Variants in XPNPEP3 observed in about 807,000 individuals in gnomAD.
XPNPEP3 encodes xaa-Pro aminopeptidase 3.
Under a neutral mutation model 60.0 loss-of-function variants are expected in XPNPEP3, and 41 were observed. The ratio of observed to expected loss-of-function variants is 0.68; its 90% CI spans 0.53 to 0.89. XPNPEP3 has a LOEUF of 0.89. Ranked by LOEUF, XPNPEP3 falls within the 40% of genes least tolerant of loss-of-function variation. The pLI is 0.00. For missense variants in XPNPEP3, 598 were observed against 638.9 expected, an observed-to-expected ratio of 0.94 and a Z score of 0.69; for synonymous variants, 212 against 223.2, an observed-to-expected ratio of 0.95 and a Z score of 0.45.
chr22:40,868,044 CTG>C lies in XPNPEP3; in HGVS notation c.65-952_65-951del, dbSNP rs375366275. Among the ~76,000 whole-genome samples the C allele has an allele frequency of 1.3e-4, 20 of 152,142 alleles. No homozygotes were observed. The East Asian group carries it at 2.5e-3, about 19-fold the overall frequency. On this transcript the variant is annotated intron_variant, in intron 1 of 9. Coordinates refer to ENST00000357137, the MANE Select transcript of XPNPEP3 (RefSeq NM_022098.4). ...TCTATTTTGTCTCACCTCCACTAGA[CTG>C]TGCATTCTTTAAAGACCACAGCATA...
chr22:40,861,585 A>C lies in XPNPEP3; in HGVS notation c.64+4340A>C, dbSNP rs1298969883. 12 of 1,613,230 alleles carry C rather than the reference A, an allele frequency of 7.4e-6. No homozygotes were observed. The highest frequency in any genetic ancestry group is 1.6e-4 in the Middle Eastern group (1 of 6,076). On this transcript the variant is annotated intron_variant, in intron 1 of 9. Coordinates refer to ENST00000357137, the MANE Select transcript of XPNPEP3 (RefSeq NM_022098.4). ...TGGATATTCACTGGCAGTGGAGAAA[A>C]AGTATCCTGCATCTCTGTTTCTGTT...
At chr22:40,886,861 GT>G (rs2058071468) in intron 4 of XPNPEP3, among the ~76,000 whole-genome samples, 1 of 149,756 alleles carries the variant, frequency 6.7e-6, no homozygotes, top group Non-Finnish European at 1.5e-5. Context: ...AAAAGAAAAA[GT>G]TTTTTCCAGA....
At chr22:40,890,569 A>T (rs1016751039) in intron 4 of XPNPEP3, among the ~76,000 whole-genome samples, 5 of 151,962 alleles carry the variant, frequency 3.3e-5, no homozygotes, top group Non-Finnish European at 5.9e-5. Flanking sequence ...TAAAAAATAA[A>T]ATTAACAAAT....
chr22:40,864,483 T>C (rs2145770575), intron 1 of XPNPEP3, among the ~76,000 whole-genome samples: 1 of 152,302 alleles, frequency 6.6e-6, no homozygotes, highest in Non-Finnish European at 1.5e-5. Flanking sequence ...TTCGCTCTTA[T>C]TGCCCAGGCT....
At position 40,857,239 on chromosome 22, in the gene XPNPEP3, C is replaced by T; in HGVS notation, c.58C>T (p.Leu20Phe). 4.3e-6 allele frequency: 7 copies of T among 1,614,204 alleles called. No individual in the cohort carries two copies. Among genetic ancestry groups the T allele is most frequent in the Non-Finnish European group, 5.9e-6 (7 of 1,180,028 alleles). The change falls in exon 1 of 10, where the codon CTC becomes TTC. Residue 20 changes from leucine to phenylalanine, a missense_variant. Coordinates refer to ENST00000357137, the MANE Select transcript of XPNPEP3 (RefSeq NM_022098.4). ...TCCCGCTGTAGCAAACGTCCGCGGC[C>T]TCTCAGGTTAGACTCTTCTCCCACG... ...LVPAVANVRG[L>F]SGCMLCSQRR...
intron 1 of XPNPEP3, among the ~76,000 whole-genome samples, chr22:40,863,405 A>G (rs1043205611): frequency 2.0e-5 from 3 of 152,140 alleles, no homozygotes; most frequent in Admixed American, 1.3e-4. Flanking sequence ...TTCCTCCTCT[A>G]TGTTGTGTTT....
intron 1 of XPNPEP3, among the ~76,000 whole-genome samples, chr22:40,868,428 C>T (rs999227827): frequency 1.4e-4 from 20 of 144,666 alleles, no homozygotes; most frequent in Middle Eastern, 3.3e-3. Flanking sequence ...TATATGTGTG[C>T]GTGTGTGTGT....
intron 2 of XPNPEP3, among the ~76,000 whole-genome samples, chr22:40,876,081 T>C (rs889162617): frequency 5.9e-5 from 9 of 152,122 alleles, no homozygotes; most frequent in African/African-American, 2.2e-4. Context: ...GTAGTCCTCA[T>C]TGACACTGAG....
At chr22:40,924,577 G>T (rs1162518482) in intron 9 of XPNPEP3, 95 bp downstream of exon 9, 13 of 1,532,736 alleles carry the variant, frequency 8.5e-6, no homozygotes, top group Admixed American at 1.9e-5. Flanking sequence ...AGGCTGGAGT[G>T]AAGTGGTGTG....
At chr22:40,919,259 G>A (rs2058207530) in intron 7 of XPNPEP3, among the ~76,000 whole-genome samples, 1 of 152,106 alleles carries the variant, frequency 6.6e-6, no homozygotes, top group Non-Finnish European at 1.5e-5. Context: ...AAGAATAGAA[G>A]TACATTGTAA....
chr22:40,906,610 C>T (rs917395045), intron 4 of XPNPEP3, among the ~76,000 whole-genome samples: 115 of 152,206 alleles, frequency 7.6e-4, no homozygotes, highest in African/African-American at 2.5e-3. Context: ...AGCTCTCCCA[C>T]GAGGAATTAT....
At chr22:40,923,168 G>A (rs989861314) in intron 8 of XPNPEP3, among the ~76,000 whole-genome samples, 4 of 150,646 alleles carry the variant, frequency 2.7e-5, no homozygotes, top group African/African-American at 9.8e-5. Flanking sequence ...AGCTATGTTC[G>A]CACCACTGCA....
intron 4 of XPNPEP3, among the ~76,000 whole-genome samples, chr22:40,899,035 A>G (rs999014249): frequency 6.6e-6 from 1 of 152,210 alleles, no homozygotes; most frequent in South Asian, 2.1e-4. Flanking sequence ...AATGAGAGAT[A>G]CTGTTCTTTG....
intron 3 of XPNPEP3, among the ~76,000 whole-genome samples, chr22:40,884,306 T>C (rs2058059820): frequency 6.6e-6 from 1 of 152,048 alleles, no homozygotes; most frequent in South Asian, 2.1e-4. Flanking sequence ...AAAATAAATT[T>C]CTCAAAAGTA....
At chr22:40,878,569 G>T (rs2058036025) in intron 2 of XPNPEP3, among the ~76,000 whole-genome samples, 1 of 151,478 alleles carries the variant, frequency 6.6e-6, no homozygotes. Flanking sequence ...AAATAAAAAA[G>T]AATTGATTTT....
At chr22:40,910,251 G>A (rs1378937748) in intron 6 of XPNPEP3, among the ~76,000 whole-genome samples, 1 of 152,000 alleles carries the variant, frequency 6.6e-6, no homozygotes, top group Non-Finnish European at 1.5e-5. Context: ...CCTCCCAAAG[G>A]TAACTGGTAA....
chr22:40,911,608 C>T (rs1007829434), intron 6 of XPNPEP3, among the ~76,000 whole-genome samples: 1 of 150,756 alleles, frequency 6.6e-6, no homozygotes, highest in South Asian at 2.1e-4. Context: ...AGTACAGTCT[C>T]GGCTCACTGC....
At chr22:40,896,251 G>C (rs970148189) in intron 4 of XPNPEP3, among the ~76,000 whole-genome samples, 1 of 152,106 alleles carries the variant, frequency 6.6e-6, no homozygotes, top group African/African-American at 2.4e-5. Context: ...GGCCGTGTGA[G>C]CTCCTGAGCT....
In XPNPEP3 at chr22:40,910,939, C is replaced by T. The variant is rs968838602; in HGVS notation, c.969+1704C>T. On this transcript the variant is annotated intron_variant, in intron 6 of 9. Coordinates refer to ENST00000357137, the MANE Select transcript of XPNPEP3 (RefSeq NM_022098.4). ...AGGAAAATCACTTGAACCAGGGAGT[C>T]GGAGGTTGCAATGAGCCGAGATCGC... Among the ~76,000 whole-genome samples the T allele has an allele frequency of 4.6e-4, 70 of 152,016 alleles. 3 individuals are homozygous for T. The highest frequency in any genetic ancestry group is 5.9e-5 in the Non-Finnish European group (4 of 67,984).
Sources: gnomAD v4.1 joint callset for allele counts (sites outside exome capture counted in the v4.1 genomes callset) on GRCh38, gnomAD v4.1.1 for gene constraint, MANE v1.5 for transcripts, NCBI Gene and HGNC (gene_info 2026-07-23, HGNC 2026-07-21) for gene names.